The following SOCS2 variants were observed in gnomAD, a reference collection of about 807,000 sequenced individuals.
SOCS2 encodes the protein suppressor of cytokine signaling 2, also known as CIS-2.
A neutral mutation model predicts 18.6 loss-of-function variants in SOCS2; 10 were observed. The observed-to-expected ratio is 0.54, with a 90% CI of 0.33 to 0.91. SOCS2 has a LOEUF of 0.91. Ranked by LOEUF, SOCS2 falls within the 40% of genes least tolerant of loss-of-function variation. The pLI is 0.02. For missense variants in SOCS2, 231 were observed against 247.2 expected, an observed-to-expected ratio of 0.93 and a Z score of 0.44; for synonymous variants, 104 against 104.0, an observed-to-expected ratio of 1.00 and a Z score of 0.00.
chr12:93,611,346 T>C, the SOCS2 span, among the ~76,000 whole-genome samples: 1 of 152,196 alleles, frequency 6.6e-6, no homozygotes, highest in African/African-American at 2.4e-5. Flanking sequence ...CAAGCGATTC[T>C]CCTGCCTTAG....
At chr12:93,573,546 G>T (rs974568865) in intron 1 of SOCS2, 2 of 229,966 alleles carry the variant, frequency 8.7e-6, no homozygotes, top group East Asian at 8.5e-5. Context: ...AGCCCCCGCC[G>T]AGCGCGGCTT....
At position 93,573,460 on chromosome 12, in the gene SOCS2, C is replaced by T. The variant is rs531338633; in HGVS notation, c.139+424C>T. 211 of 348,104 alleles carry T rather than the reference C, an allele frequency of 6.1e-4. 1 individual carries two copies. The highest frequency in any genetic ancestry group is 4.1e-3 in the African/African-American group (193 of 47,160). 21.6% of individuals were successfully genotyped at this position (348,104 alleles called of 1,614,324 possible). ...CCCGGGCGGAGCTGCGGCTGCAGCC[C>T]AGGATCTTGGCGGCCAAGTTCAGGG... On this transcript the variant is annotated intron_variant, in intron 1 of 1. Coordinates refer to ENST00000551556, the MANE Select transcript of SOCS2 (RefSeq NM_001270471.2).
chr12:93,574,676 A>G, intron 1 of SOCS2, 46 bp from the exon 2 acceptor site: 6 of 1,350,582 alleles, frequency 4.4e-6, no homozygotes, highest in Non-Finnish European at 6.1e-6. Context: ...TTCTTATAAT[A>G]ACTGTTTTAC....
the SOCS2 span, among the ~76,000 whole-genome samples, chr12:93,591,401 C>A: frequency 6.6e-6 from 1 of 152,106 alleles, no homozygotes; most frequent in Non-Finnish European, 1.5e-5. Flanking sequence ...AAGATGGGAG[C>A]GAGGAGAAAG....
At chr12:93,594,680 C>G in the SOCS2 span, among the ~76,000 whole-genome samples, 1 of 152,028 alleles carries the variant, frequency 6.6e-6, no homozygotes, top group South Asian at 2.1e-4. Context: ...GAACTCTGTT[C>G]TGACAGCTGA....
chr12:93,616,482 A>G, the SOCS2 span, among the ~76,000 whole-genome samples: 1 of 152,184 alleles, frequency 6.6e-6, no homozygotes, highest in African/African-American at 2.4e-5. Context: ...TTGCTCAGTC[A>G]AGTTTCTGTC....
At chr12:93,615,210 C>T in the SOCS2 span, among the ~76,000 whole-genome samples, 2 of 152,210 alleles carry the variant, frequency 1.3e-5, no homozygotes, top group African/African-American at 4.8e-5. Context: ...CTGCACCCAC[C>T]TCAAGACTGT....
At chr12:93,578,689 C>T (rs982964923), downstream of SOCS2, among the ~76,000 whole-genome samples, 1 of 151,536 alleles carries the variant, frequency 6.6e-6, no homozygotes, top group African/African-American at 2.4e-5. Flanking sequence ...CTCGCACACA[C>T]ACACACACAC....
the SOCS2 span, among the ~76,000 whole-genome samples, chr12:93,610,639 C>T: frequency 4.6e-5 from 7 of 152,144 alleles, no homozygotes; most frequent in Non-Finnish European, 7.4e-5. Context: ...TCAGTACTCT[C>T]GTAGAAGAGG....
At chr12:93,587,786 A>C (rs1954593793), downstream of SOCS2, among the ~76,000 whole-genome samples, 1 of 152,220 alleles carries the variant, frequency 6.6e-6, no homozygotes, top group South Asian at 2.1e-4. Flanking sequence ...TGTTCCCATA[A>C]GTTCTACCAC....
the SOCS2 span, among the ~76,000 whole-genome samples, chr12:93,614,483 CCTTCCTT>C: frequency 4.3e-4 from 10 of 22,992 alleles, no homozygotes; most frequent in Admixed American, 1.4e-3. Context: ...TCCTTCCTTT[CCTTCCTT>C]CCTTCCTTCC....
chr12:93,598,233 G>A, the SOCS2 span, among the ~76,000 whole-genome samples: 713 of 152,250 alleles, frequency 4.7e-3, 6 homozygotes, highest in African/African-American at 0.016. Context: ...CTTAACGTAA[G>A]GATGAGTTTG....
the SOCS2 span, among the ~76,000 whole-genome samples, chr12:93,594,482 C>T: frequency 6.6e-6 from 1 of 152,084 alleles, no homozygotes; most frequent in Non-Finnish European, 1.5e-5. Flanking sequence ...TCCATTAAGA[C>T]TTTAGAAGAT....
At chr12:93,599,171 C>CTTTTTTTTT in the SOCS2 span, among the ~76,000 whole-genome samples, 2 of 122,334 alleles carry the variant, frequency 1.6e-5, no homozygotes, top group African/African-American at 3.1e-5. Context: ...TGCTGTTTGT[C>CTTTTTTTTT]TTTTTTTTTT....
the SOCS2 span, among the ~76,000 whole-genome samples, chr12:93,607,104 A>G: frequency 6.6e-6 from 1 of 152,200 alleles, no homozygotes; most frequent in Non-Finnish European, 1.5e-5. Flanking sequence ...AGGCTAGAAT[A>G]TGTGCTCCCA....
the SOCS2 span, among the ~76,000 whole-genome samples, chr12:93,598,577 A>G: frequency 2.0e-5 from 3 of 152,184 alleles, no homozygotes; most frequent in Admixed American, 6.5e-5. Flanking sequence ...GAAAGACTTG[A>G]TATTGATTTA....
chr12:93,606,694 C>T, the SOCS2 span, among the ~76,000 whole-genome samples: 35 of 152,184 alleles, frequency 2.3e-4, no homozygotes, highest in East Asian at 4.2e-3. Flanking sequence ...GCTCTGTCAC[C>T]CAGGCTGGAG....
At chr12:93,580,255 T>G (rs1592836155), downstream of SOCS2, among the ~76,000 whole-genome samples, 1 of 152,312 alleles carries the variant, frequency 6.6e-6, no homozygotes, top group East Asian at 1.9e-4. Flanking sequence ...TTTTTTCCCT[T>G]CTGTTAGTTT....
the SOCS2 span, among the ~76,000 whole-genome samples, chr12:93,608,191 G>A: frequency 6.6e-6 from 1 of 151,166 alleles, no homozygotes; most frequent in African/African-American, 2.4e-5. Flanking sequence ...GGTAATGACA[G>A]GGTCTTGTTA....
Sources: allele counts gnomAD v4.1 joint callset (sites outside exome capture counted in the v4.1 genomes callset), GRCh38; gene constraint gnomAD v4.1.1; transcripts MANE v1.5; gene names NCBI Gene and HGNC (gene_info 2026-07-23, HGNC 2026-07-21).